The following RBP2 variants were observed in gnomAD, a reference collection of about 807,000 sequenced individuals.
The protein encoded by RBP2 is retinol-binding protein 2.
A neutral mutation model predicts 17.0 loss-of-function variants in RBP2; 17 were observed. That is an observed-to-expected ratio of 1.00 (90% CI 0.68 to 1.50). The LOEUF (loss-of-function observed/expected upper bound fraction) is 1.50. RBP2 is among the 40% of genes most tolerant of loss of function. The probability of loss-of-function intolerance (pLI) is 0.00; values close to 1 mark genes in which losing one functional copy is unlikely to be tolerated. For missense variants in RBP2, 158 were observed against 168.2 expected (o/e 0.94, Z 0.33); for synonymous variants, 48 against 57.1 (o/e 0.84, Z 0.72).
intron 2 of RBP2, among the ~76,000 whole-genome samples, chr3:139,458,685 G>A (rs1012601239): frequency 2.6e-5 from 4 of 152,072 alleles, no homozygotes; most frequent in African/African-American, 7.2e-5. Flanking sequence ...TGTTCTGGAC[G>A]TCTCACATAC....
intron 2 of RBP2, among the ~76,000 whole-genome samples, chr3:139,457,585 A>G (rs745378712): frequency 3.9e-4 from 60 of 152,266 alleles, no homozygotes; most frequent in Non-Finnish European, 7.3e-4. Context: ...TTACAATATT[A>G]TAGCCTTACT....
intron 1 of RBP2, among the ~76,000 whole-genome samples, chr3:139,474,232 T>TAC (rs1933655299): frequency 6.6e-6 from 1 of 152,200 alleles, no homozygotes; most frequent in Non-Finnish European, 1.5e-5. Flanking sequence ...TTACTCACAT[T>TAC]AAAGGTGTAA....
At chr3:139,457,464 T>G (rs1308150993) in intron 2 of RBP2, among the ~76,000 whole-genome samples, 1 of 152,224 alleles carries the variant, frequency 6.6e-6, no homozygotes, top group Non-Finnish European at 1.5e-5. Flanking sequence ...AGAAAAATGT[T>G]AGTGCATGGG....
At chr3:139,460,120 A>G (rs556803724) in intron 2 of RBP2, among the ~76,000 whole-genome samples, 3 of 152,340 alleles carry the variant, frequency 2.0e-5, no homozygotes, top group Non-Finnish European at 4.4e-5. Flanking sequence ...AGAGCCCACA[A>G]CCAAAACAGA....
rs763975153 is a variant in RBP2 at position 139,462,257 on chromosome 3, CG to C, written c.106del (p.Arg36ValfsTer34). The C allele has an allele frequency of 3.1e-6, 5 of 1,614,118 alleles. No individual in the cohort carries two copies. The highest frequency in any genetic ancestry group is 4.2e-6 in the Non-Finnish European group (5 of 1,180,016). On this transcript the variant is annotated frameshift_variant, in exon 2 of 4. Transcript: ENST00000232217. LOFTEE classifies it high-confidence loss of function. ...ATCAATAACCTTCGTCTGAGTGAGACGTACTGCAATCTTGCGGGTGGCAAAA... is the reference window on the plus strand; with the variant it reads ...ATCAATAACCTTCGTCTGAGTGAGACTACTGCAATCTTGCGGGTGGCAAAA... Reference protein sequence around the residue: ...IDFATRKIAVRLTQTKVIDQD... With the variant: ...IDFATRKIAVXLTQTKVIDQD...
intron 1 of RBP2, among the ~76,000 whole-genome samples, chr3:139,469,667 G>A (rs570748048): frequency 2.6e-4 from 33 of 126,712 alleles, no homozygotes; most frequent in African/African-American, 9.4e-4. Context: ...ACATCTATCT[G>A]TCTGTCTGTC....
rs1933702505 is a variant in RBP2 at position 139,475,330 on chromosome 3, A to T, written c.73+1057T>A. On this transcript the variant is annotated intron_variant, in intron 1 of 3. Transcript: ENST00000232217. ...CGAGACTCTGTCCCCAAAATAAAAA[A>T]AAAAAAAAAAAAAAAAAAGAACATG... Among the ~76,000 whole-genome samples, 4 of 149,926 alleles carry T rather than the reference A, an allele frequency of 2.7e-5. No individual in the cohort carries two copies. In the South Asian group the frequency reaches 6.3e-4, roughly 23 times the overall value.
intron 1 of RBP2, among the ~76,000 whole-genome samples, chr3:139,475,203 C>T (rs1933695898): frequency 6.6e-6 from 1 of 151,414 alleles, no homozygotes; most frequent in Admixed American, 6.6e-5. Flanking sequence ...GCCTGTAGTC[C>T]CAGCTACTCT....
chr3:139,460,715 T>C lies in RBP2; in HGVS notation c.252+1397A>G, dbSNP rs3772880. 1.3e-3 allele frequency among the ~76,000 whole-genome samples: 204 copies of C among 151,930 alleles called. 5 individuals are homozygous for C. In the East Asian group the frequency reaches 0.034, roughly 26 times the overall value. On this transcript the variant is annotated intron_variant, in intron 2 of 3. Transcript: ENST00000232217. ...GAGGGGGGCAGGGCAGGGCAGAGGG[T>C]GTTGCTTGCTTTGTTGTGGCACTTG...
intron 1 of RBP2, among the ~76,000 whole-genome samples, chr3:139,463,041 C>T (rs1031998684): frequency 1.9e-4 from 29 of 151,894 alleles, no homozygotes; most frequent in African/African-American, 6.5e-4. Context: ...ACCATTTGCC[C>T]AGGCTGGTCT....
At chr3:139,467,587 C>T (rs1461352462) in intron 1 of RBP2, among the ~76,000 whole-genome samples, 1 of 152,176 alleles carries the variant, frequency 6.6e-6, no homozygotes, top group African/African-American at 2.4e-5. Flanking sequence ...AGAATGCTCA[C>T]TTCAGAGGAC....
intron 2 of RBP2, among the ~76,000 whole-genome samples, chr3:139,457,877 T>G (rs1933032388): frequency 6.6e-6 from 1 of 152,194 alleles, no homozygotes; most frequent in African/African-American, 2.4e-5. Context: ...TATCACAGTT[T>G]CCAAAGCTAA....
At chr3:139,475,161 A>C (rs1248068686) in intron 1 of RBP2, among the ~76,000 whole-genome samples, 1 of 151,844 alleles carries the variant, frequency 6.6e-6, no homozygotes, top group East Asian at 1.9e-4. Context: ...TCTATTAAAA[A>C]TACAAAAAAT....
chr3:139,470,480 A>G (rs1047593253), intron 1 of RBP2, among the ~76,000 whole-genome samples: 2 of 151,726 alleles, frequency 1.3e-5, no homozygotes, highest in African/African-American at 4.8e-5. Context: ...TTGCCCTCCT[A>G]TGATTCATTT....
intron 1 of RBP2, among the ~76,000 whole-genome samples, chr3:139,469,687 G>GTCTGTCTGTCTATCTGTCTATCTA (rs1432677359): frequency 6.8e-5 from 9 of 132,868 alleles, no homozygotes; most frequent in Non-Finnish European, 1.1e-4. Context: ...CTGTCTGTCT[G>GTCTGTCTGTCTATCTGTCTATCTA]TCTATCTATC....
At chr3:139,472,779 C>T (rs539085567) in intron 1 of RBP2, among the ~76,000 whole-genome samples, 14 of 152,144 alleles carry the variant, frequency 9.2e-5, no homozygotes, top group African/African-American at 1.4e-4. Flanking sequence ...CAAACCACTA[C>T]GTTTTGGGGG....
chr3:139,462,624 C>T (rs546223740), intron 1 of RBP2, among the ~76,000 whole-genome samples: 1 of 146,962 alleles, frequency 6.8e-6, no homozygotes, highest in Admixed American at 6.7e-5. Context: ...TTCTATCTGA[C>T]CTGTTGGGCA....
At chr3:139,475,785 AG>A (rs1313619977) in intron 1 of RBP2, among the ~76,000 whole-genome samples, 1 of 152,182 alleles carries the variant, frequency 6.6e-6, no homozygotes, top group Non-Finnish European at 1.5e-5. Flanking sequence ...CCAGTTCCAC[AG>A]GGAACCCACT....
At chr3:139,460,072 A>G (rs1576421859) in intron 2 of RBP2, among the ~76,000 whole-genome samples, 1 of 152,354 alleles carries the variant, frequency 6.6e-6, no homozygotes, top group Non-Finnish European at 1.5e-5. Context: ...ATCAAAGGTC[A>G]CAAAGGATCA....
Sources: allele counts gnomAD v4.1 joint callset (sites outside exome capture counted in the v4.1 genomes callset), GRCh38; gene constraint gnomAD v4.1.1; transcripts MANE v1.5; gene names NCBI Gene and HGNC (gene_info 2026-07-23, HGNC 2026-07-21).